The following LOC400499 variants were observed in gnomAD, a reference collection of about 807,000 sequenced individuals.
the LOC400499 span, among the ~76,000 whole-genome samples, chr16:11,502,917 C>CTTTTTTTT: frequency 4.6e-3 from 449 of 98,000 alleles, 26 homozygotes; most frequent in African/African-American, 0.015. Context: ...CCTGGACCAC[C>CTTTTTTTT]TTTTTTTTTT....
chr16:11,381,461 G>A, the LOC400499 span, among the ~76,000 whole-genome samples: 8 of 152,058 alleles, frequency 5.3e-5, no homozygotes, highest in Non-Finnish European at 7.4e-5. Context: ...ATGAGTCCTC[G>A]GTCTGATAGA....
At chr16:11,472,507 T>A in the LOC400499 span, 3 of 152,224 alleles carry the variant, frequency 2.0e-5, no homozygotes, top group African/African-American at 7.2e-5. Context: ...GTAGACTTTT[T>A]AAAAAGAGTG....
the LOC400499 span, among the ~76,000 whole-genome samples, chr16:11,375,210 C>G: frequency 7.0e-6 from 1 of 143,288 alleles, no homozygotes; most frequent in Non-Finnish European, 1.5e-5. Context: ...TTATACTCCC[C>G]GTAAGAATAC....
At chr16:11,408,280 C>A in the LOC400499 span, among the ~76,000 whole-genome samples, 2 of 152,068 alleles carry the variant, frequency 1.3e-5, no homozygotes, top group African/African-American at 2.4e-5. Flanking sequence ...CCGCACCCAG[C>A]CAAGAGCTGG....
At chr16:11,475,609 G>C in the LOC400499 span, 1 of 398,968 alleles carries the variant, frequency 2.5e-6, no homozygotes, top group Non-Finnish European at 4.4e-6. Context: ...ATGTCATGGA[G>C]GCCCTGCTGC....
chr16:11,517,525 C>T, the LOC400499 span, among the ~76,000 whole-genome samples: 1 of 152,150 alleles, frequency 6.6e-6, no homozygotes, highest in Non-Finnish European at 1.5e-5. Context: ...GTGTTTTGCT[C>T]GGGGCTCCAG....
At chr16:11,488,774 A>G in the LOC400499 span, 1 of 398,900 alleles carries the variant, frequency 2.5e-6, no homozygotes, top group Non-Finnish European at 4.4e-6. Flanking sequence ...CTCCTGGCTG[A>G]GGATGTCCTC....
chr16:11,460,702 C>T, the LOC400499 span: 2 of 1,437,748 alleles, frequency 1.4e-6, no homozygotes, highest in Non-Finnish European at 9.2e-7. Context: ...CCAGCCTGGC[C>T]TCAGCCACAC....
the LOC400499 span, chr16:11,484,820 C>A: frequency 3.4e-5 from 12 of 356,022 alleles, no homozygotes; most frequent in Non-Finnish European, 5.9e-5. Flanking sequence ...CAAAAGTCCA[C>A]GCATGAAGCG....
At chr16:11,446,686 G>T in the LOC400499 span, 1 of 1,532,508 alleles carries the variant, frequency 6.5e-7, no homozygotes, top group South Asian at 1.2e-5. Flanking sequence ...GGAGTGAGGA[G>T]GCAGCTGGGG....
At chr16:11,517,485 T>C in the LOC400499 span, among the ~76,000 whole-genome samples, 1 of 152,136 alleles carries the variant, frequency 6.6e-6, no homozygotes, top group South Asian at 2.1e-4. Context: ...ACCCACATTC[T>C]GGATGAGGAA....
At chr16:11,381,780 G>A in the LOC400499 span, among the ~76,000 whole-genome samples, 4 of 152,096 alleles carry the variant, frequency 2.6e-5, no homozygotes, top group Non-Finnish European at 5.9e-5. Context: ...TGGGAGATCA[G>A]TTATCAACAT....
At chr16:11,513,188 G>C in the LOC400499 span, among the ~76,000 whole-genome samples, 183 of 152,158 alleles carry the variant, frequency 1.2e-3, no homozygotes, top group African/African-American at 3.9e-3. Context: ...AGGATTATTT[G>C]AGCCCAAGAG....
chr16:11,455,564 G>A, the LOC400499 span, among the ~76,000 whole-genome samples: 372 of 151,654 alleles, frequency 2.5e-3, no homozygotes, highest in African/African-American at 8.4e-3. Flanking sequence ...GTGAAACCCC[G>A]TCTCTACTAA....
chr16:11,472,180 CT>C, the LOC400499 span: 1 of 185,486 alleles, frequency 5.4e-6, no homozygotes. Context: ...CTGAGAACCC[CT>C]GGTAGACTTT....
the LOC400499 span, among the ~76,000 whole-genome samples, chr16:11,403,408 A>AATACACACACACACAGGC: frequency 2.6e-5 from 4 of 152,150 alleles, no homozygotes; most frequent in African/African-American, 9.7e-5. Context: ...GGGTGGCACA[A>AATACACACACACACAGGC]ATACACACAC....
the LOC400499 span, among the ~76,000 whole-genome samples, chr16:11,464,974 C>G: frequency 6.6e-6 from 1 of 152,198 alleles, no homozygotes; most frequent in Non-Finnish European, 1.5e-5. Flanking sequence ...TAGGTCTTCC[C>G]CCACCCAGGC....
the LOC400499 span, chr16:11,478,815 A>G: frequency 5.0e-6 from 2 of 397,292 alleles, no homozygotes; most frequent in East Asian, 7.1e-5. Flanking sequence ...GAAGGACCCT[A>G]TGGGAGATGA....
the LOC400499 span, among the ~76,000 whole-genome samples, chr16:11,406,393 C>A: frequency 6.6e-6 from 1 of 152,176 alleles, no homozygotes; most frequent in East Asian, 1.9e-4. Flanking sequence ...ACCACAGTCT[C>A]TTTACCTGCC....
Sources: gnomAD v4.1 joint callset for allele counts (sites outside exome capture counted in the v4.1 genomes callset) on GRCh38, gnomAD v4.1.1 for gene constraint, MANE v1.5 for transcripts.